The following SLC5A11 variants were observed in gnomAD, a reference collection of about 807,000 sequenced individuals.
The protein encoded by SLC5A11 is solute carrier family 5 member 11.
SLC5A11 carries 48 observed loss-of-function variants against 69.8 expected under a neutral mutation model. The ratio of observed to expected loss-of-function variants is 0.69; its 90% CI spans 0.55 to 0.87. SLC5A11 has a LOEUF of 0.87. Ranked by LOEUF, SLC5A11 falls within the 40% of genes least tolerant of loss-of-function variation. SLC5A11 has a pLI of 0.00. For synonymous variants in SLC5A11, 319 were observed against 342.4 expected (o/e 0.93, Z 0.75); for missense variants, 784 against 866.1 (o/e 0.91, Z 1.19).
intron 2 of SLC5A11, chr16:24,859,156 T>A (rs1340386245): frequency 6.3e-6 from 1 of 158,892 alleles, no homozygotes; most frequent in African/African-American, 2.4e-5. Flanking sequence ...GTTTTGTTTT[T>A]GTTTTTGTTT....
chr16:24,902,895 A>C (rs545440363), intron 10 of SLC5A11, among the ~76,000 whole-genome samples: 99 of 152,362 alleles, frequency 6.5e-4, no homozygotes, highest in African/African-American at 2.3e-3. Flanking sequence ...GGACTTTGTA[A>C]TGTAGCAGAT....
chr16:24,858,547 GGAGGT>G, intron 1 of SLC5A11, 68 bp from the exon 3 acceptor site: 1 of 1,407,458 alleles, frequency 7.1e-7, no homozygotes, highest in Non-Finnish European at 9.6e-7. Context: ...GATGGCCTAG[GGAGGT>G]AGCTACAGAA....
chr16:24,864,173 A>G (rs2046773174), intron 3 of SLC5A11, among the ~76,000 whole-genome samples: 1 of 152,206 alleles, frequency 6.6e-6, no homozygotes, highest in Non-Finnish European at 1.5e-5. Flanking sequence ...CTAGAAGGCC[A>G]TGTGCATAGG....
chr16:24,850,088 G>A (rs1448822215), intron 1 of SLC5A11, among the ~76,000 whole-genome samples: 2 of 151,466 alleles, frequency 1.3e-5, no homozygotes, highest in Admixed American at 6.6e-5. Flanking sequence ...CAGACACACA[G>A]CACCATGCCC....
chr16:24,850,651 C>G (rs8054360), intron 1 of SLC5A11, among the ~76,000 whole-genome samples: 150,595 of 152,292 alleles, frequency 0.99, 74,527 homozygotes, highest in Middle Eastern at 1. Context: ...TGGAGCCCTG[C>G]TTCAGTCATT....
At chr16:24,900,020 C>A (rs769910424) in intron 10 of SLC5A11, among the ~76,000 whole-genome samples, 20 of 152,012 alleles carry the variant, frequency 1.3e-4, no homozygotes, top group Non-Finnish European at 2.6e-4. Flanking sequence ...CTTTTCTTAA[C>A]AAATCTCATG....
intron 15 of SLC5A11, 72 bp from the exon 17 acceptor site, chr16:24,911,256 G>A (rs1190115967): frequency 7.0e-7 from 1 of 1,436,996 alleles, no homozygotes; most frequent in Admixed American, 1.7e-5. Flanking sequence ...CACATCTGGT[G>A]AGTGTCCCTG....
At position 24,906,648 on chromosome 16, in the gene SLC5A11, C is replaced by A; in HGVS notation, c.1007-9C>A. On this transcript the variant is annotated splice_polypyrimidine_tract_variant and intron_variant, in intron 10 of 15. Coordinates refer to ENST00000347898, the Ensembl canonical transcript of SLC5A11. ...ACTGCTCACCTCTGGGCCTGTGTTTCCTTCGTAGATCAAGTGGCCTGTGCA... is the reference window on the plus strand; with the variant it reads ...ACTGCTCACCTCTGGGCCTGTGTTTACTTCGTAGATCAAGTGGCCTGTGCA... The A allele has an allele frequency of 6.3e-7, 1 of 1,595,282 alleles. No homozygotes were observed.
intron 4 of SLC5A11, among the ~76,000 whole-genome samples, 196 bp downstream of exon 5, chr16:24,870,201 T>C (rs1183386835): frequency 6.6e-6 from 1 of 151,646 alleles, no homozygotes; most frequent in Admixed American, 6.6e-5. Flanking sequence ...GAGACCAGCC[T>C]GGCCAACGTG....
chr16:24,882,633 T>C lies in SLC5A11; in HGVS notation c.584-1418T>C, dbSNP rs76907653. Among the ~76,000 whole-genome samples, 602 of 152,282 alleles carry C rather than the reference T, an allele frequency of 4.0e-3. 5 individuals carry two copies. Among genetic ancestry groups the C allele is most frequent in the African/African-American group, 0.014 (564 of 41,572 alleles). On this transcript the variant is annotated intron_variant, in intron 7 of 15. Transcript: ENST00000347898. ...ATGGATTTGCTACCAGGATCATCAT[T>C]ATGAATTTTTATGTATTTATTTATT...
At chr16:24,861,437 GT>G (rs1042316319) in intron 2 of SLC5A11, among the ~76,000 whole-genome samples, 21 of 151,836 alleles carry the variant, frequency 1.4e-4, no homozygotes, top group African/African-American at 5.1e-4. Flanking sequence ...CCATGATCAT[GT>G]CACTGCACTC....
At chr16:24,850,835 G>T (rs535192080) in intron 1 of SLC5A11, among the ~76,000 whole-genome samples, 1 of 151,374 alleles carries the variant, frequency 6.6e-6, no homozygotes, top group Non-Finnish European at 1.5e-5. Flanking sequence ...CTTTAAGACA[G>T]AGTCTTGCTC....
chr16:24,881,446 C>T (rs2048036973), intron 7 of SLC5A11, among the ~76,000 whole-genome samples: 1 of 151,916 alleles, frequency 6.6e-6, no homozygotes, highest in African/African-American at 2.4e-5. Context: ...GTCACTATGC[C>T]CGGCTAACGT....
At chr16:24,910,876 T>G (rs2050465421) in intron 15 of SLC5A11, among the ~76,000 whole-genome samples, 2 of 152,072 alleles carry the variant, frequency 1.3e-5, no homozygotes, top group African/African-American at 2.4e-5. Context: ...ATTTAAAAAT[T>G]GAGAGATTTT....
At chr16:24,868,591 C>T (rs375667646) in intron 3 of SLC5A11, among the ~76,000 whole-genome samples, 8 of 97,328 alleles carry the variant, frequency 8.2e-5, no homozygotes, top group African/African-American at 2.5e-4. Flanking sequence ...AGCAAGACTC[C>T]GCCTCAAAAA....
intron 3 of SLC5A11, among the ~76,000 whole-genome samples, chr16:24,868,491 C>A (rs1014523802): frequency 6.8e-6 from 1 of 147,596 alleles, no homozygotes; most frequent in African/African-American, 2.5e-5. Flanking sequence ...CCCAGCTACT[C>A]GGGAGGCTGA....
intron 7 of SLC5A11, among the ~76,000 whole-genome samples, chr16:24,880,669 A>C (rs1359415865): frequency 6.6e-6 from 1 of 152,108 alleles, no homozygotes; most frequent in Non-Finnish European, 1.5e-5. Flanking sequence ...AATTCTCATG[A>C]GAACTCTATC....
At chr16:24,875,681 A>T (rs774512626) in exon 6 of SLC5A11, 2 of 1,613,814 alleles carry the variant, frequency 1.2e-6, no homozygotes, top group Admixed American at 3.3e-5. Context: ...CAGAATCCCC[A>T]TCATCCTGGC....
chr16:24,872,233 C>T lies in SLC5A11; in HGVS notation c.372+14C>T, dbSNP rs748910144. 1.7e-5 allele frequency: 28 copies of T among 1,613,832 alleles called. No individual in the cohort carries two copies. In the South Asian group the frequency reaches 3.1e-4, roughly 18 times the overall value. On this transcript the variant is annotated intron_variant, in intron 5 of 15. Transcript: ENST00000347898. ...ATTGCTGGTCAGGTGAGTCGGGGGA[C>T]ATTGGGATGCTGTAGAATTGAAAGA...
Sources: gnomAD v4.1 joint callset for allele counts (sites outside exome capture counted in the v4.1 genomes callset) on GRCh38, gnomAD v4.1.1 for gene constraint, MANE v1.5 for transcripts, NCBI Gene and HGNC (gene_info 2026-07-23, HGNC 2026-07-21) for gene names.